FAF1: variants seen among roughly 807,000 people sequenced by gnomAD.
The protein encoded by FAF1 is FAS-associated factor 1.
A neutral mutation model predicts 92.5 loss-of-function variants in FAF1; 25 were observed. That is an observed-to-expected ratio of 0.27 (90% CI 0.20 to 0.38). The LOEUF is 0.38. Ranked by LOEUF, FAF1 falls within the 10% of genes least tolerant of loss-of-function variation. The pLI, the probability that FAF1 is intolerant of heterozygous loss-of-function variation, is 1.00. For synonymous variants in FAF1, 234 were observed against 273.2 expected, an observed-to-expected ratio of 0.86 and a Z score of 1.42; for missense variants, 636 against 793.3, an observed-to-expected ratio of 0.80 and a Z score of 2.38.
chr1:50,955,980 G>A (rs1353279480), intron 1 of FAF1, among the ~76,000 whole-genome samples: 2 of 152,120 alleles, frequency 1.3e-5, no homozygotes, highest in Non-Finnish European at 2.9e-5. Flanking sequence ...GGTTGCCAGG[G>A]GCTGAGGAGA....
intron 1 of FAF1, among the ~76,000 whole-genome samples, chr1:50,920,037 C>T (rs1283859491): frequency 6.6e-6 from 1 of 152,094 alleles, no homozygotes; most frequent in Non-Finnish European, 1.5e-5. Context: ...CAGTGGCTCA[C>T]ACCTGTAATC....
intron 17 of FAF1, among the ~76,000 whole-genome samples, chr1:50,485,741 A>C (rs1646760602): frequency 6.6e-6 from 1 of 151,736 alleles, no homozygotes; most frequent in Admixed American, 6.6e-5. Context: ...ATTTATTAAG[A>C]AAAGAGGTTT....
Position 50,911,854 on chromosome 1 carries a change from G to A in FAF1, c.45+47913C>T, listed in dbSNP as rs147927246. On this transcript the variant is annotated intron_variant, in intron 1 of 18. Transcript: ENST00000396153. ...TCAAGACCAGCCTGGGCAACATGAC[G>A]AAACCCCATGTCTACAAAAAACATA... Among the ~76,000 whole-genome samples the A allele has an allele frequency of 6.7e-3, 1,019 of 152,112 alleles. 4 individuals carry two copies. The Middle Eastern group carries it at 0.078, about 12-fold the overall frequency.
At chr1:50,791,254 AC>A (rs1661554114) in intron 3 of FAF1, among the ~76,000 whole-genome samples, 1 of 152,262 alleles carries the variant, frequency 6.6e-6, no homozygotes, top group Admixed American at 6.5e-5. Context: ...CTGTGCGATG[AC>A]ATTTCACATC....
In FAF1 at chr1:50,857,958, A is replaced by G; in HGVS notation, c.85T>C (p.Leu29=). The G allele has an allele frequency of 6.2e-7, 1 of 1,602,394 alleles. No individual in the cohort carries two copies. The highest frequency in any genetic ancestry group is 8.5e-7 in the Non-Finnish European group (1 of 1,174,150). Residue 29 remains leucine, a synonymous_variant, in exon 2 of 19, where the codon TTG becomes CTG. Transcript: ENST00000396153. ...AAGTCCCAATTATTTTGTTCAAGCA[A>G]TGTAATAGCTTCGTCAATGTTTTCA... ...GIENIDEAIT[L]LEQNNWDLVA...
At chr1:50,769,028 A>G (rs1192705827) in intron 4 of FAF1, among the ~76,000 whole-genome samples, 2 of 152,028 alleles carry the variant, frequency 1.3e-5, no homozygotes, top group African/African-American at 4.8e-5. Context: ...TATGACTGAT[A>G]GACTACTAAG....
At chr1:50,694,777 C>A in intron 7 of FAF1, among the ~76,000 whole-genome samples, 1 of 141,292 alleles carries the variant, frequency 7.1e-6, no homozygotes, top group Admixed American at 7.2e-5. Flanking sequence ...GAAACCCCAT[C>A]TCTACTAAAA....
At chr1:50,924,289 A>T (rs1354397556) in intron 1 of FAF1, among the ~76,000 whole-genome samples, 1 of 152,100 alleles carries the variant, frequency 6.6e-6, no homozygotes, top group Non-Finnish European at 1.5e-5. Context: ...TTTGAAAAAA[A>T]AAAAACAAGA....
intron 8 of FAF1, among the ~76,000 whole-genome samples, chr1:50,602,077 A>G (rs1462964807): frequency 1.3e-5 from 2 of 152,086 alleles, no homozygotes; most frequent in African/African-American, 4.8e-5. Flanking sequence ...ATACATCACT[A>G]AGGAGATTTG....
chr1:50,639,329 GT>G (rs762462910), intron 8 of FAF1, among the ~76,000 whole-genome samples: 2 of 152,182 alleles, frequency 1.3e-5, no homozygotes, highest in Non-Finnish European at 2.9e-5. Flanking sequence ...GAGATTGTAT[GT>G]TAAGTGTCTA....
At chr1:50,729,802 C>T (rs1030880242) in intron 6 of FAF1, among the ~76,000 whole-genome samples, 3 of 151,942 alleles carry the variant, frequency 2.0e-5, no homozygotes, top group Non-Finnish European at 4.4e-5. Flanking sequence ...GCAGGTGGAT[C>T]ACGAAGTCAA....
Position 50,779,991 on chromosome 1 carries a change from GACAC to G in FAF1, c.367+8005_367+8008del, listed in dbSNP as rs57528056. ...ACAAGCACACATGCACAGACAGACA[GACAC>G]ACACACACACACACACACACACACA... On this transcript the variant is annotated intron_variant, in intron 4 of 18. Coordinates refer to ENST00000396153, the MANE Select transcript of FAF1 (RefSeq NM_007051.3). Among the ~76,000 whole-genome samples the G allele has an allele frequency of 2.4e-3, 343 of 145,444 alleles. 1 individual carries two copies. The highest frequency in any genetic ancestry group is 5.9e-3 in the African/African-American group (232 of 39,362).
At chr1:50,774,120 T>G (rs1054375809) in intron 4 of FAF1, among the ~76,000 whole-genome samples, 1 of 152,186 alleles carries the variant, frequency 6.6e-6, no homozygotes, top group Non-Finnish European at 1.5e-5. Context: ...GCAACAGACA[T>G]CAGTTTGCAG....
At chr1:50,853,769 G>A (rs1644370234) in intron 2 of FAF1, among the ~76,000 whole-genome samples, 1 of 150,802 alleles carries the variant, frequency 6.6e-6, no homozygotes, top group African/African-American at 2.4e-5. Context: ...TAAAATAAGT[G>A]GCAGAGCATC....
chr1:50,565,568 T>C (rs1036632874), intron 13 of FAF1, among the ~76,000 whole-genome samples: 1 of 152,102 alleles, frequency 6.6e-6, no homozygotes, highest in Non-Finnish European at 1.5e-5. Flanking sequence ...CTCTTATTAC[T>C]AGTGTATCAA....
At chr1:50,663,161 G>A (rs1443766795) in intron 7 of FAF1, among the ~76,000 whole-genome samples, 2 of 151,644 alleles carry the variant, frequency 1.3e-5, no homozygotes, top group African/African-American at 2.4e-5. Flanking sequence ...TATAGAAACT[G>A]TGAAGTTGCA....
intron 13 of FAF1, among the ~76,000 whole-genome samples, chr1:50,562,690 T>C (rs1241609421): frequency 6.6e-6 from 1 of 152,248 alleles, no homozygotes; most frequent in Non-Finnish European, 1.5e-5. Context: ...TTAGCTCTTA[T>C]GTCTGTTTTG....
intron 4 of FAF1, among the ~76,000 whole-genome samples, chr1:50,752,168 G>A (rs1199858599): frequency 4.6e-5 from 7 of 151,940 alleles, no homozygotes; most frequent in African/African-American, 1.2e-4. Context: ...CGGGGGTCTC[G>A]TCCTGTTGGC....
chr1:50,889,581 T>C (rs1644701797), intron 1 of FAF1, among the ~76,000 whole-genome samples: 1 of 152,222 alleles, frequency 6.6e-6, no homozygotes, highest in Non-Finnish European at 1.5e-5. Flanking sequence ...TTCTCATTGG[T>C]TTCAAAGAAC....
Sources: gnomAD v4.1 joint callset for allele counts (sites outside exome capture counted in the v4.1 genomes callset) on GRCh38, gnomAD v4.1.1 for gene constraint, MANE v1.5 for transcripts, NCBI Gene and HGNC (gene_info 2026-07-23, HGNC 2026-07-21) for gene names.